SPATS2: variants seen among roughly 807,000 people sequenced by gnomAD.
SPATS2 encodes spermatogenesis-associated serine-rich protein 2.
A neutral mutation model predicts 63.7 loss-of-function variants in SPATS2; 38 were observed. That is an observed-to-expected ratio of 0.60 (90% CI 0.46 to 0.78). The LOEUF (loss-of-function observed/expected upper bound fraction) is 0.78. SPATS2 is among the 30% of genes least tolerant of loss of function. SPATS2 has a pLI of 0.00. For synonymous variants in SPATS2, 207 were observed against 232.9 expected, an observed-to-expected ratio of 0.89 and a Z score of 1.01; for missense variants, 588 against 666.2, an observed-to-expected ratio of 0.88 and a Z score of 1.29.
intron 2 of SPATS2, among the ~76,000 whole-genome samples, chr12:49,406,874 G>T (rs976272662): frequency 2.6e-5 from 4 of 152,118 alleles, no homozygotes; most frequent in Non-Finnish European, 5.9e-5. Context: ...GTTGGAGAGA[G>T]CAAACATATA....
chr12:49,451,368 AAATT>A (rs1448740576), intron 2 of SPATS2, among the ~76,000 whole-genome samples: 1 of 152,150 alleles, frequency 6.6e-6, no homozygotes, highest in Admixed American at 6.5e-5. Context: ...CAATTTAACT[AAATT>A]AATGCTAATT....
In SPATS2 at chr12:49,457,407, A is replaced by G. The variant is rs368927824; in HGVS notation, c.-243-3363A>G. Among the ~76,000 whole-genome samples the G allele has an allele frequency of 4.6e-5, 7 of 151,714 alleles. No homozygotes were observed. The South Asian group carries it at 8.3e-4, about 18-fold the overall frequency. On this transcript the variant is annotated intron_variant, in intron 2 of 13. Transcript: ENST00000552918. ...TCTGACCCACCCCTGCTCATCCACT[A>G]TGGTTAGTTGTTGATTGTTGCTTTC...
In SPATS2 at chr12:49,500,159, G is replaced by C; in HGVS notation, c.793G>C (p.Ala265Pro). ...YRVVVKEEMD[A>P]SIKKMKQAFA... Reference sequence around the variant, plus strand: ...AGTTGTAGTTAAAGAAGAGATGGATGCCTCCATTAAGAAAATGAAACAAGC... The same window carrying C: ...AGTTGTAGTTAAAGAAGAGATGGATCCCTCCATTAAGAAAATGAAACAAGC... Residue 265 changes from alanine to proline, a missense_variant, in exon 9 of 14, where the codon GCC becomes CCC. Coordinates refer to ENST00000552918, the MANE Select transcript of SPATS2 (RefSeq NM_023071.4). 1.2e-6 allele frequency: 2 copies of C among 1,611,354 alleles called. No individual in the cohort carries two copies. The highest frequency in any genetic ancestry group is 1.7e-6 in the Non-Finnish European group (2 of 1,178,978).
intron 12 of SPATS2, among the ~76,000 whole-genome samples, chr12:49,523,406 A>T (rs555680534): frequency 6.6e-6 from 1 of 151,848 alleles, no homozygotes; most frequent in East Asian, 1.9e-4. Context: ...GAGAGGGGGA[A>T]GATAGCTTGA....
At chr12:49,508,945 T>G (rs1427220212) in intron 9 of SPATS2, among the ~76,000 whole-genome samples, 1 of 151,854 alleles carries the variant, frequency 6.6e-6, no homozygotes, top group Non-Finnish European at 1.5e-5. Context: ...GCACCTGTAG[T>G]CCCCACTACT....
intron 2 of SPATS2, among the ~76,000 whole-genome samples, chr12:49,392,011 T>G (rs1944426328): frequency 6.6e-6 from 1 of 152,216 alleles, no homozygotes; most frequent in Admixed American, 6.5e-5. Flanking sequence ...TCCCTTAATT[T>G]AACGACACAT....
At chr12:49,410,134 G>GGTGCA (rs1231381498) in intron 2 of SPATS2, among the ~76,000 whole-genome samples, 2 of 151,936 alleles carry the variant, frequency 1.3e-5, no homozygotes, top group Non-Finnish European at 2.9e-5. Context: ...GGAGTGCAAT[G>GGTGCA]GTGCAGTCTT....
At chr12:49,503,211 G>A (rs1946595201) in intron 9 of SPATS2, among the ~76,000 whole-genome samples, 1 of 152,198 alleles carries the variant, frequency 6.6e-6, no homozygotes, top group African/African-American at 2.4e-5. Context: ...TTAGCCGGGC[G>A]TGGTGGCGTG....
intron 2 of SPATS2, chr12:49,389,793 C>T: frequency 1.8e-6 from 2 of 1,130,278 alleles, no homozygotes; most frequent in Non-Finnish European, 2.7e-6. Context: ...CCTGGAAGAA[C>T]ATCAGTCGGC....
chr12:49,508,655 G>GA (rs1328311204), intron 9 of SPATS2, among the ~76,000 whole-genome samples: 1 of 151,746 alleles, frequency 6.6e-6, no homozygotes, highest in Non-Finnish European at 1.5e-5. Flanking sequence ...GTCTGGTCTT[G>GA]ACCTCCTGGG....
At chr12:49,461,112 A>G in intron 3 of SPATS2, 75 bp downstream of exon 3, 1 of 1,496,434 alleles carries the variant, frequency 6.7e-7, no homozygotes, top group African/African-American at 1.4e-5. Flanking sequence ...ATATTTAAAA[A>G]CTGTCCTTCT....
intron 2 of SPATS2, among the ~76,000 whole-genome samples, chr12:49,377,339 G>A (rs1220721776): frequency 2.0e-5 from 3 of 152,118 alleles, no homozygotes; most frequent in South Asian, 2.1e-4. Context: ...GGAACAATGC[G>A]TAACAACGAC....
intron 2 of SPATS2, among the ~76,000 whole-genome samples, chr12:49,378,388 C>T (rs961850898): frequency 6.6e-6 from 1 of 151,986 alleles, no homozygotes; most frequent in African/African-American, 2.4e-5. Flanking sequence ...ACCTCCGCCT[C>T]CCGGGATCAA....
At position 49,498,145 on chromosome 12, in the gene SPATS2, A is replaced by AAAT. The variant is rs66900382; in HGVS notation, c.703+1137_703+1138insATA. Among the ~76,000 whole-genome samples, 158 of 98,962 alleles carry AAAT rather than the reference A, an allele frequency of 1.6e-3. 2 individuals are homozygous for AAAT. The highest frequency in any genetic ancestry group is 5.1e-3 in the African/African-American group (103 of 20,364). 64.9% of individuals were successfully genotyped at this position (98,962 alleles called of 152,430 possible). A position where few individuals can be genotyped will look rare whatever the true frequency, so the allele number is the denominator to read the frequency against. ...ATCCAATCAAGCCAAAAAAAAAAAA[A>AAAT]ATATATATATATATATATATATATG... On this transcript the variant is annotated intron_variant, in intron 8 of 13. Transcript: ENST00000552918.
Position 49,516,166 on chromosome 12 carries a change from AATATATATATATATAT to A in SPATS2, c.898+1581_898+1596del, listed in dbSNP as rs869230532. ...AAAAAAAAAAAAAAAAAAAAAAAAA[AATATATATATATATAT>A]ATATATATATATATATATATATATA... On this transcript the variant is annotated intron_variant, in intron 10 of 13. Transcript: ENST00000552918. Among the ~76,000 whole-genome samples, 247 of 30,650 alleles carry A rather than the reference AATATATATATATATAT, an allele frequency of 8.1e-3. 5 individuals carry two copies. Among genetic ancestry groups the A allele is most frequent in the African/African-American group, 0.012 (55 of 4,486 alleles). The allele number at this position is 30,650 out of a possible 152,430, so 20.1% of individuals were successfully genotyped here. A position where few individuals can be genotyped will look rare whatever the true frequency, so the allele number is the denominator to read the frequency against.
intron 2 of SPATS2, among the ~76,000 whole-genome samples, chr12:49,435,478 A>G (rs1945260137): frequency 6.6e-6 from 1 of 151,434 alleles, no homozygotes; most frequent in Admixed American, 6.6e-5. Context: ...TGCACACGCC[A>G]GTGCGCCTGG....
intron 9 of SPATS2, among the ~76,000 whole-genome samples, chr12:49,506,430 G>C (rs1946655506): frequency 6.6e-6 from 1 of 152,192 alleles, no homozygotes; most frequent in Admixed American, 6.5e-5. Flanking sequence ...AAGAGAGCTT[G>C]TGCAAGGGAA....
chr12:49,430,253 G>A (rs563054693), intron 2 of SPATS2, among the ~76,000 whole-genome samples: 2 of 149,136 alleles, frequency 1.3e-5, no homozygotes, highest in African/African-American at 2.4e-5. Flanking sequence ...GCACGCCACC[G>A]TGCCTGGCTA....
chr12:49,435,063 G>C (rs1592391436), intron 2 of SPATS2, among the ~76,000 whole-genome samples: 1 of 110,724 alleles, frequency 9.0e-6, no homozygotes, highest in South Asian at 2.8e-4. Context: ...GTCTTGCTCT[G>C]TCTGTCGCCC....
Sources: gnomAD v4.1 joint callset for allele counts (sites outside exome capture counted in the v4.1 genomes callset) on GRCh38, gnomAD v4.1.1 for gene constraint, MANE v1.5 for transcripts, NCBI Gene and HGNC (gene_info 2026-07-23, HGNC 2026-07-21) for gene names.